GRIA2: variants seen among roughly 807,000 people sequenced by gnomAD.
The protein encoded by GRIA2 is glutamate ionotropic receptor AMPA type subunit 2.
In GRIA2, 14 loss-of-function variants were observed where a neutral mutation model predicts 97.3. The ratio of observed to expected loss-of-function variants is 0.14; its 90% CI spans 0.10 to 0.23. GRIA2 has a LOEUF of 0.23. GRIA2 is among the 10% of genes least tolerant of loss of function. The probability of loss-of-function intolerance (pLI) is 1.00; values close to 1 mark genes in which losing one functional copy is unlikely to be tolerated. For synonymous variants in GRIA2, 412 were observed against 387.8 expected (o/e 1.06, Z -0.73); for missense variants, 558 against 1,069.8 (o/e 0.52, Z 6.67).
At chr4:157,319,641 C>T (rs763774338) in intron 5 of GRIA2, among the ~76,000 whole-genome samples, 3 of 152,084 alleles carry the variant, frequency 2.0e-5, no homozygotes, top group Non-Finnish European at 4.4e-5. Context: ...TAAACAATGC[C>T]ACCCGAAGTT....
rs1368880258 is a variant in GRIA2 at position 157,221,056 on chromosome 4, T to C, written c.14T>C (p.Met5Thr). 1.9e-6 allele frequency: 3 copies of C among 1,574,512 alleles called. No individual in the cohort carries two copies. The South Asian group carries it at 3.3e-5, about 17-fold the overall frequency. The stretch of plus-strand genomic sequence containing the variant: ...CTTTTCTTGGAAATGCAAAAGATTA[T>C]GCATATTTCTGTCCTCCTTTCTCCT... MQKI[M>T]HISVLLSPVL... Residue 5 changes from methionine (M) to threonine (T), a missense_variant, in exon 1 of 16, where the codon ATG becomes ACG. Met to Thr is a moderately conservative substitution (Grantham distance 81). Coordinates refer to ENST00000264426, the MANE Select transcript of GRIA2 (RefSeq NM_001083619.3).
rs1173501504 is a variant in GRIA2, at chr4:157,365,885, G to A, written c.*2454G>A. 6 of 151,688 alleles carry A rather than the reference G, an allele frequency of 4.0e-5. No homozygotes were observed. Among genetic ancestry groups the A allele is most frequent in the Admixed American group, 3.3e-4 (5 of 15,132 alleles). 9.4% of individuals were successfully genotyped at this position (151,688 alleles called of 1,614,324 possible). On this transcript the variant is annotated 3_prime_UTR_variant, in exon 16 of 16. Coordinates refer to ENST00000264426, the MANE Select transcript of GRIA2 (RefSeq NM_001083619.3). ...AGTACCTTATTTTCTGCTGTGTTAA[G>A]TGGGTGTCAAACTCCAAGAAGACAT...
chr4:157,253,829 T>G (rs971019178), intron 2 of GRIA2, among the ~76,000 whole-genome samples: 1 of 152,078 alleles, frequency 6.6e-6, no homozygotes, highest in Non-Finnish European at 1.5e-5. Flanking sequence ...ATTATTCTGT[T>G]TACCCCCACT....
At chr4:157,298,321 G>A (rs957117114) in intron 2 of GRIA2, among the ~76,000 whole-genome samples, 1 of 152,038 alleles carries the variant, frequency 6.6e-6, no homozygotes, top group Non-Finnish European at 1.5e-5. Context: ...TCTTAAAAGT[G>A]CTTTGTAAAT....
At chr4:157,355,902 A>AT (rs1560781010) in intron 12 of GRIA2, among the ~76,000 whole-genome samples, 8 of 71,074 alleles carry the variant, frequency 1.1e-4, no homozygotes, top group African/African-American at 3.7e-4. Flanking sequence ...TTTATATATA[A>AT]ATATATATAT....
chr4:157,240,848 A>T (rs113174776), intron 2 of GRIA2, among the ~76,000 whole-genome samples: 1 of 151,430 alleles, frequency 6.6e-6, no homozygotes, highest in Non-Finnish European at 1.5e-5. Flanking sequence ...TCCCAATGCT[A>T]TCCCTCCCCT....
At position 157,364,122 on chromosome 4, in the gene GRIA2, G is replaced by A. The variant is rs1157549210; in HGVS notation, c.*691G>A. ...AGGTATCGATTCCATATTTTTCAAAGCCAAATATGTAAATGCTAAGGAAAG... is the reference window on the plus strand; with the variant it reads ...AGGTATCGATTCCATATTTTTCAAAACCAAATATGTAAATGCTAAGGAAAG... On this transcript the variant is annotated 3_prime_UTR_variant, in exon 16 of 16. Transcript: ENST00000264426. The A allele has an allele frequency of 6.6e-6, 1 of 152,436 alleles. No homozygotes were observed. Among genetic ancestry groups the A allele is most frequent in the African/African-American group, 2.4e-5 (1 of 41,408 alleles). The allele number at this position is 152,436 out of a possible 1,614,324, so 9.4% of individuals were successfully genotyped here.
intron 2 of GRIA2, among the ~76,000 whole-genome samples, chr4:157,283,475 T>G (rs909594815): frequency 1.3e-5 from 2 of 152,128 alleles, no homozygotes; most frequent in South Asian, 4.1e-4. Flanking sequence ...GTAGGAATTA[T>G]AAATATAGTA....
At chr4:157,341,843 G>C (rs1735563144) in intron 12 of GRIA2, among the ~76,000 whole-genome samples, 1 of 151,966 alleles carries the variant, frequency 6.6e-6, no homozygotes. Context: ...GTTTATAATT[G>C]AAAAACTCAC....
At position 157,361,083 on chromosome 4, in the gene GRIA2, T is replaced by C; in HGVS notation, c.2365T>C (p.Tyr789His). ...LLDKLKNKWW[Y>H]DKGECGSGGG... ...GGACAAATTGAAAAACAAATGGTGG[T>C]ACGACAAAGGAGAGTGCGGCAGCGG... The change falls in exon 14 of 16, where the codon TAC becomes CAC. Residue 789 changes from tyrosine to histidine, a missense_variant. Transcript: ENST00000264426. This position sits in a 1 kb window ranked among gnomAD's most constrained non-coding sequence, Gnocchi z 5.2. The C allele has an allele frequency of 6.2e-7, 1 of 1,613,638 alleles. No homozygotes were observed. Among genetic ancestry groups the C allele is most frequent in the Non-Finnish European group, 8.5e-7 (1 of 1,179,608 alleles).
chr4:157,259,584 A>T lies in GRIA2; in HGVS notation c.229+37777A>T, dbSNP rs116651319. Among the ~76,000 whole-genome samples the T allele has an allele frequency of 2.6e-3, 401 of 152,216 alleles. 4 individuals carry two copies. The highest frequency in any genetic ancestry group is 9.1e-3 in the African/African-American group (379 of 41,550). On this transcript the variant is annotated intron_variant, in intron 2 of 15. Coordinates refer to ENST00000264426, the MANE Select transcript of GRIA2 (RefSeq NM_001083619.3). ...TGTCCTGGAAGAAGAACAAAATGCA[A>T]ATAATTTAAAAGAGGAGCAAGAACA...
intron 2 of GRIA2, among the ~76,000 whole-genome samples, chr4:157,233,112 T>C (rs1424090539): frequency 2.0e-5 from 3 of 152,216 alleles, no homozygotes; most frequent in Non-Finnish European, 4.4e-5. Flanking sequence ...CAGTTCTAAC[T>C]TTCTTGCTGG....
chr4:157,313,908 T>C (rs532294225), intron 4 of GRIA2, among the ~76,000 whole-genome samples: 4 of 152,282 alleles, frequency 2.6e-5, no homozygotes, highest in Admixed American at 2.6e-4. Context: ...ACCATATTGT[T>C]ATAATAAAGT....
At chr4:157,356,762 G>A (rs1174618638) in intron 12 of GRIA2, among the ~76,000 whole-genome samples, 1 of 152,072 alleles carries the variant, frequency 6.6e-6, no homozygotes, top group South Asian at 2.1e-4. Flanking sequence ...TAGTGTATTT[G>A]TAAATATATT....
chr4:157,290,613 G>A (rs761867778), intron 2 of GRIA2, among the ~76,000 whole-genome samples: 2 of 151,086 alleles, frequency 1.3e-5, no homozygotes, highest in Non-Finnish European at 3.0e-5. Flanking sequence ...TCCTAACTTC[G>A]ATGCTGACTT....
At chr4:157,294,805 A>G (rs1733268545) in intron 2 of GRIA2, among the ~76,000 whole-genome samples, 1 of 152,100 alleles carries the variant, frequency 6.6e-6, no homozygotes, top group Non-Finnish European at 1.5e-5. Context: ...AGGCCTGCAG[A>G]CATTCATTCA....
intron 2 of GRIA2, among the ~76,000 whole-genome samples, chr4:157,244,391 T>C (rs928031704): frequency 6.6e-6 from 1 of 152,020 alleles, no homozygotes; most frequent in African/African-American, 2.4e-5. Flanking sequence ...AAAAAGATCT[T>C]AACCCCCTAC....
intron 2 of GRIA2, among the ~76,000 whole-genome samples, chr4:157,299,339 A>G (rs1243138774): frequency 6.6e-6 from 1 of 152,128 alleles, no homozygotes; most frequent in East Asian, 1.9e-4. Flanking sequence ...AGTGGTTTCC[A>G]TATTTTGATG....
Position 157,317,730 on chromosome 4 carries a change from A to T in GRIA2, c.720+19A>T. The T allele has an allele frequency of 9.6e-7, 1 of 1,043,078 alleles. No individual in the cohort carries two copies. 64.6% of individuals were successfully genotyped at this position (1,043,078 alleles called of 1,614,324 possible). A position where few individuals can be genotyped will look rare whatever the true frequency, so the allele number is the denominator to read the frequency against. On this transcript the variant is annotated intron_variant, in intron 5 of 15. Transcript: ENST00000264426. The stretch of plus-strand genomic sequence containing the variant: ...AAATCTGGTAGGTGAATTAATTGGT[A>T]TATATTATTTTACTAGATATGCTTA...
Sources: allele counts gnomAD v4.1 joint callset (sites outside exome capture counted in the v4.1 genomes callset), GRCh38; gene constraint gnomAD v4.1.1; non-coding constraint Gnocchi (gnomAD v3.1); transcripts MANE v1.5; gene names NCBI Gene and HGNC (gene_info 2026-07-23, HGNC 2026-07-21).